ISLR2: variants seen among roughly 807,000 people sequenced by gnomAD.
ISLR2 encodes the protein immunoglobulin superfamily containing leucine rich repeat 2, also known as immunoglobulin superfamily containing leucine-rich repeat protein 2.
Under a neutral mutation model 25.5 loss-of-function variants are expected in ISLR2, and 16 were observed. The observed-to-expected ratio is 0.63, with a 90% CI of 0.43 to 0.95. The LOEUF (loss-of-function observed/expected upper bound fraction) is 0.95, where lower values mean the gene tolerates loss of function less well. Among genes scored for constraint, ISLR2 ranks in the 40% least tolerant of loss-of-function variants. ISLR2 has a pLI of 0.00. For missense variants in ISLR2, 883 were observed against 1,030.7 expected (o/e 0.86, Z 1.96); for synonymous variants, 508 against 486.6 (o/e 1.04, Z -0.58).
rs1364487779 is a variant in ISLR2, at chr15:74,105,557, C to T, written n.228+1643C>T. ...CAGCACGGATCTGCTCCATAGTCTC[C>T]ACCTCACTTCATCTCAGTTTGGAAG... On this transcript the variant is annotated intron_variant and non_coding_transcript_variant, in intron 2 of 3. Transcript: ENST00000561975. Among the ~76,000 whole-genome samples, 3 of 125,986 alleles carry T rather than the reference C, an allele frequency of 2.4e-5. 1 individual carries two copies. In the East Asian group the frequency reaches 6.8e-4, roughly 29 times the overall value. The allele number at this position is 125,986 out of a possible 152,430, so 82.7% of individuals were successfully genotyped here. A position where few individuals can be genotyped will look rare whatever the true frequency, so the allele number is the denominator to read the frequency against.
chr15:74,110,995 C>T (rs2072161666), intron 2 of ISLR2, among the ~76,000 whole-genome samples: 1 of 151,118 alleles, frequency 6.6e-6, no homozygotes, highest in African/African-American at 2.4e-5. Context: ...AAAACAAAAG[C>T]CAGGTGTGTT....
At chr15:74,106,480 C>T (rs1391361616) in intron 2 of ISLR2, among the ~76,000 whole-genome samples, 1 of 152,162 alleles carries the variant, frequency 6.6e-6, no homozygotes, top group East Asian at 1.9e-4. Context: ...CACAGGAGTG[C>T]CTGCTTCTCC....
At position 74,132,711 on chromosome 15, in the gene ISLR2, C is replaced by A; in HGVS notation, c.-8-36C>A. 6.3e-7 allele frequency: 1 copy of A among 1,586,884 alleles called. No individual in the cohort carries two copies. The highest frequency in any genetic ancestry group is 1.1e-5 in the South Asian group (1 of 87,514). Reference sequence around the variant, plus strand: ...GGAGGTAAGCTGGGGTTCAGTGAGTCACCTTCTTTCTTCTTCACCTGGCTT... The same window carrying A: ...GGAGGTAAGCTGGGGTTCAGTGAGTAACCTTCTTTCTTCTTCACCTGGCTT... On this transcript the variant is annotated intron_variant, in intron 2 of 2. Coordinates refer to ENST00000453268, the MANE Select transcript of ISLR2 (RefSeq NM_020851.3). The surrounding 1 kb of genome is among the most constrained non-coding windows in gnomAD (Gnocchi z 4.3).
chr15:74,115,509 A>G (rs895341444), intron 2 of ISLR2, among the ~76,000 whole-genome samples: 9 of 152,222 alleles, frequency 5.9e-5, no homozygotes, highest in African/African-American at 2.2e-4. Flanking sequence ...AGCCTGGCCA[A>G]TATGGCTAAA....
Position 74,133,214 on chromosome 15 carries a change from A to T in ISLR2, c.460A>T (p.Ile154Phe). Residue 154 changes from isoleucine (I) to phenylalanine (F), a missense_variant, in exon 3 of 3, where the codon ATC becomes TTC. Ile to Phe is a conservative substitution (Grantham distance 21). Coordinates refer to ENST00000453268, the MANE Select transcript of ISLR2 (RefSeq NM_020851.3). ...GALPDLRSLR[I>F]NNNRLRTLAP... ...GCTACCCGACCTGCGTTCCCTGCGC[A>T]TCAACAACAACCGGCTGCGTACGCT... The T allele has an allele frequency of 6.2e-7, 1 of 1,613,102 alleles. No individual in the cohort carries two copies. The highest frequency in any genetic ancestry group is 8.5e-7 in the Non-Finnish European group (1 of 1,180,008).
Position 74,132,848 on chromosome 15 carries a change from C to T in ISLR2, c.94C>T (p.His32Tyr). The T allele has an allele frequency of 6.2e-7, 1 of 1,614,110 alleles. No individual in the cohort carries two copies. Among genetic ancestry groups the T allele is most frequent in the Non-Finnish European group, 8.5e-7 (1 of 1,179,946 alleles). ...GTGCGCCTGCGTGGACAAGTACGCT[C>T]ACCAGTTCGCGGACTGCGCTTACAA... ...EPCACVDKYA[H>Y]QFADCAYKEL... The change falls in exon 3 of 3, where the codon CAC (histidine) becomes TAC (tyrosine). Residue 32 changes from histidine (H) to tyrosine (Y), a missense_variant. By Grantham distance (83) the His-to-Tyr change is moderately conservative (BLOSUM62 2). This residue lies in a region of ISLR2 where 271 missense variants were observed against 387.9 expected (regional missense o/e 0.70). Coordinates refer to ENST00000453268, the MANE Select transcript of ISLR2 (RefSeq NM_020851.3). The surrounding 1 kb of genome is among the most constrained non-coding windows in gnomAD (Gnocchi z 4.3).
upstream of ISLR2, chr15:74,129,100 G>A: frequency 2.2e-6 from 1 of 451,726 alleles, no homozygotes; most frequent in Non-Finnish European, 4.4e-6. The surrounding 1 kb of genome is among the most constrained non-coding windows in gnomAD (Gnocchi z 4.5). Flanking sequence ...ATGGGTCGGC[G>A]GGGGGGGACT....
intron 2 of ISLR2, among the ~76,000 whole-genome samples, chr15:74,108,931 G>T (rs545832523): frequency 6.6e-6 from 1 of 152,268 alleles, no homozygotes; most frequent in Admixed American, 6.5e-5. Context: ...TGTGACCTGG[G>T]GCAGGTGCGG....
intron 2 of ISLR2, among the ~76,000 whole-genome samples, chr15:74,114,943 A>T: frequency 6.6e-6 from 1 of 152,136 alleles, no homozygotes; most frequent in East Asian, 1.9e-4. Flanking sequence ...AGAATTTGTG[A>T]GGTAGAGTAC....
At chr15:74,113,887 G>C (rs1352591328) in intron 2 of ISLR2, among the ~76,000 whole-genome samples, 3 of 152,162 alleles carry the variant, frequency 2.0e-5, no homozygotes, top group African/African-American at 7.2e-5. Flanking sequence ...CAGCTGTTCT[G>C]TGCTGGGCCT....
chr15:74,118,570 G>A (rs563070371), intron 2 of ISLR2, among the ~76,000 whole-genome samples: 2 of 152,136 alleles, frequency 1.3e-5, no homozygotes, highest in South Asian at 4.2e-4. Context: ...TGATAGATTG[G>A]TTGGAGCATC....
Position 74,133,425 on chromosome 15 carries a change from G to T in ISLR2, c.671G>T (p.Arg224Leu). Residue 224 changes from arginine (R) to leucine (L), a missense_variant, in exon 3 of 3, where the codon CGC becomes CTC. This residue lies in a region of ISLR2 where 271 missense variants were observed against 387.9 expected (regional missense o/e 0.70). Coordinates refer to ENST00000453268, the MANE Select transcript of ISLR2 (RefSeq NM_020851.3). ...GCGCTGCAGGGGGTGCCGGTGTACC[G>T]CCTGCCCGCCCTGCCCTGTGCACCG... is the stretch of plus-strand genomic sequence containing the variant. The part of the protein sequence containing the change: ...PPALQGVPVY[R>L]LPALPCAPPS... The T allele has an allele frequency of 1.2e-6, 2 of 1,607,826 alleles. No homozygotes were observed. Among genetic ancestry groups the T allele is most frequent in the South Asian group, 1.1e-5 (1 of 91,004 alleles).
In ISLR2 at chr15:74,133,600, C is replaced by T. The variant is rs768653208; in HGVS notation, c.846C>T (p.Val282=). The T allele has an allele frequency of 7.4e-6, 12 of 1,613,992 alleles. No homozygotes were observed. Among genetic ancestry groups the T allele is most frequent in the Non-Finnish European group, 1.0e-5 (12 of 1,180,010 alleles). The change falls in exon 3 of 3, where the codon GTC becomes GTT. Residue 282 remains valine, a synonymous_variant. Transcript: ENST00000453268. The stretch of plus-strand genomic sequence containing the variant: ...TTCAGATCCCCGGTGGCACCGTAGT[C>T]TTAGAGCCACCGGTTCTGAGCGGGG... The part of the protein sequence containing the change: ...WQLQIPGGTV[V]LEPPVLSGED...
chr15:74,133,611 C>T lies in ISLR2; in HGVS notation c.857C>T (p.Pro286Leu), dbSNP rs2072483340. ...IPGGTVVLEP[P>L]VLSGEDDGVG... is the part of the protein sequence containing the mutation. ...GGTGGCACCGTAGTCTTAGAGCCAC[C>T]GGTTCTGAGCGGGGAGGACGACGGG... The change falls in exon 3 of 3, where the codon CCG becomes CTG. Residue 286 changes from proline (P) to leucine (L), a missense_variant. Transcript: ENST00000453268. 1 of 1,613,864 alleles carries T rather than the reference C, an allele frequency of 6.2e-7. No individual in the cohort carries two copies. The highest frequency in any genetic ancestry group is 1.1e-5 in the South Asian group (1 of 91,068).
chr15:74,102,610 T>G lies in ISLR2; in HGVS notation n.160-1236T>G, dbSNP rs1166818079. Among the ~76,000 whole-genome samples, 2 of 151,708 alleles carry G rather than the reference T, an allele frequency of 1.3e-5. 1 individual carries two copies. The highest frequency in any genetic ancestry group is 4.9e-5 in the African/African-American group (2 of 40,992). On this transcript the variant is annotated intron_variant and non_coding_transcript_variant, in intron 1 of 3. Coordinates refer to the ISLR2 transcript ENST00000561975. ...AGTTTCTAACTCAATAGGACTGAGG[T>G]GGGGCCTGAGCATTGCATGTCTGTG...
At chr15:74,104,129 A>C (rs1303886327) in intron 2 of ISLR2, among the ~76,000 whole-genome samples, 1 of 152,256 alleles carries the variant, frequency 6.6e-6, no homozygotes, top group Non-Finnish European at 1.5e-5. Context: ...ATGTGCTATC[A>C]TTACCATGAT....
rs773473284 is a variant in ISLR2, at chr15:74,133,717, C to T, written c.963C>T (p.Pro321=). 5 of 1,609,048 alleles carry T rather than the reference C, an allele frequency of 3.1e-6. No individual in the cohort carries two copies. Among genetic ancestry groups the T allele is most frequent in the Non-Finnish European group, 4.2e-6 (5 of 1,177,706 alleles). The change falls in exon 3 of 3, where the codon CCC becomes CCT. Residue 321 remains proline, a synonymous_variant. Coordinates refer to ENST00000453268, the MANE Select transcript of ISLR2 (RefSeq NM_020851.3). ...AAGCCCAAACGCCGACTCCAGCACCCGCTTGGCCGGCGCCCCCAGCCACAC... is the reference window on the plus strand; with the variant it reads ...AAGCCCAAACGCCGACTCCAGCACCTGCTTGGCCGGCGCCCCCAGCCACAC... The part of the protein sequence containing the change: ...QTQAQTPTPA[P]AWPAPPATPR...
downstream of ISLR2, among the ~76,000 whole-genome samples, chr15:74,140,219 T>A (rs1440586345): frequency 6.6e-6 from 1 of 152,192 alleles, no homozygotes; most frequent in Non-Finnish European, 1.5e-5. Flanking sequence ...TAGGGTCCTC[T>A]GGTCCCAGAT....
chr15:74,139,916 T>G, downstream of ISLR2, among the ~76,000 whole-genome samples: 2 of 129,916 alleles, frequency 1.5e-5, no homozygotes, highest in Admixed American at 8.0e-5. Context: ...GTGTGTGTCT[T>G]GAGAGACCTG....
Sources: allele counts gnomAD v4.1 joint callset (sites outside exome capture counted in the v4.1 genomes callset), GRCh38; gene constraint gnomAD v4.1.1; regional missense constraint gnomAD v4.1.1; non-coding constraint Gnocchi (gnomAD v3.1); transcripts MANE v1.5; gene names NCBI Gene and HGNC (gene_info 2026-07-23, HGNC 2026-07-21).